ATP9B: variants seen among roughly 807,000 people sequenced by gnomAD.
The protein encoded by ATP9B is ATPase phospholipid transporting 9B, also known as probable phospholipid-transporting ATPase IIB.
ATP9B carries 110 observed loss-of-function variants against 146.1 expected under a neutral mutation model. The observed-to-expected ratio is 0.75, with a 90% confidence interval of 0.65 to 0.88. ATP9B has a LOEUF of 0.88. Among genes scored for constraint, ATP9B ranks in the 40% least tolerant of loss-of-function variants. The pLI is 0.00. For synonymous variants in ATP9B, 604 were observed against 569.7 expected (o/e 1.06, Z -0.86); for missense variants, 1,499 against 1,496.4 (o/e 1.00, Z -0.03).
intron 9 of ATP9B, among the ~76,000 whole-genome samples, chr18:79,197,861 AG>A: frequency 6.6e-6 from 1 of 152,254 alleles, no homozygotes; most frequent in Non-Finnish European, 1.5e-5. Context: ...CCGAATTCAT[AG>A]AACTAATAGG....
At chr18:79,301,643 T>A (rs1025940038) in intron 13 of ATP9B, among the ~76,000 whole-genome samples, 2 of 152,220 alleles carry the variant, frequency 1.3e-5, no homozygotes, top group African/African-American at 4.8e-5. Context: ...AGGTTTAAAC[T>A]GCCTCTCATG....
chr18:79,269,980 T>TGCGGCCTTTAGCCG (rs2096239978), intron 12 of ATP9B, among the ~76,000 whole-genome samples: 1 of 152,240 alleles, frequency 6.6e-6, no homozygotes, highest in Admixed American at 6.5e-5. Context: ...TTATCCTCCT[T>TGCGGCCTTTAGCCG]GCGGCCTTTA....
rs778424595 is a variant in ATP9B, at chr18:79,373,971, C to T, written c.3144C>T (p.Thr1048=). Residue 1048 remains threonine, a synonymous_variant, in exon 28 of 30, where the codon ACC becomes ACT. Coordinates refer to ENST00000426216, the MANE Select transcript of ATP9B (RefSeq NM_198531.5). ...TCCACGTGGTGGCCATCTCCTTCAC[C>T]GCACTGATCCTGACCGAGCTGCTGA... ...EFVHVVAISF[T]ALILTELLMV... 1.3e-5 allele frequency: 21 copies of T among 1,613,892 alleles called. No individual in the cohort carries two copies. Among genetic ancestry groups the T allele is most frequent in the Middle Eastern group, 1.7e-4 (1 of 5,978 alleles).
chr18:79,279,554 G>A (rs796656375), intron 13 of ATP9B, among the ~76,000 whole-genome samples: 2 of 152,272 alleles, frequency 1.3e-5, no homozygotes, highest in African/African-American at 4.8e-5. Context: ...TTATTCATAT[G>A]TATGAGTTTA....
intron 10 of ATP9B, among the ~76,000 whole-genome samples, chr18:79,211,975 G>T (rs1427118622): frequency 1.3e-5 from 2 of 152,190 alleles, no homozygotes; most frequent in African/African-American, 4.8e-5. Flanking sequence ...TCAGTCTCCT[G>T]TTATCTTATA....
chr18:79,352,325 A>T (rs1035240154), intron 25 of ATP9B: 4 of 152,238 alleles, frequency 2.6e-5, no homozygotes, highest in African/African-American at 9.6e-5. Flanking sequence ...TCTGGGCAGG[A>T]GGAGCACAGG....
At position 79,372,832 on chromosome 18, in the gene ATP9B, C is replaced by G. The variant is rs748999793; in HGVS notation, c.3020C>G (p.Ser1007Cys). The G allele has an allele frequency of 1.9e-6, 3 of 1,610,064 alleles. No homozygotes were observed. In the African/African-American group the frequency reaches 4.0e-5, roughly 22 times the overall value. Residue 1007 changes from serine to cysteine, a missense_variant, in exon 27 of 30, where the codon TCC becomes TGC. Transcript: ENST00000426216. The part of the protein sequence containing the change: ...ELYKDLTKGR[S>C]LSFKTFLIWV... Reference sequence around the variant, plus strand: ...CTTCCACTGTTTCCCTAGGGAAGATCCTTGTCCTTCAAAACCTTCCTCATC... The same window carrying G: ...CTTCCACTGTTTCCCTAGGGAAGATGCTTGTCCTTCAAAACCTTCCTCATC...
chr18:79,069,779 C>G (rs2071498377), intron 1 of ATP9B, among the ~76,000 whole-genome samples: 1 of 152,358 alleles, frequency 6.6e-6, no homozygotes, highest in East Asian at 1.9e-4. Context: ...GGAGCCAGAA[C>G]GGGAGCAGAG....
At chr18:79,190,062 G>A (rs1027801069) in intron 8 of ATP9B, among the ~76,000 whole-genome samples, 5 of 152,158 alleles carry the variant, frequency 3.3e-5, no homozygotes, top group Non-Finnish European at 5.9e-5. Context: ...AGGAGGGGCT[G>A]CGACACGATT....
chr18:79,158,880 G>T (rs1000808756), intron 7 of ATP9B, among the ~76,000 whole-genome samples: 4 of 151,932 alleles, frequency 2.6e-5, no homozygotes, highest in Non-Finnish European at 5.9e-5. Flanking sequence ...TTCTTTTTTT[G>T]TTCATCTTCT....
At chr18:79,320,739 CT>C (rs2096710820) in intron 15 of ATP9B, among the ~76,000 whole-genome samples, 1 of 152,038 alleles carries the variant, frequency 6.6e-6, no homozygotes, top group African/African-American at 2.4e-5. Context: ...CCCTATCCCA[CT>C]TCCTCGGGAT....
At chr18:79,227,596 G>A (rs1427745249) in intron 11 of ATP9B, among the ~76,000 whole-genome samples, 1 of 152,228 alleles carries the variant, frequency 6.6e-6, no homozygotes, top group African/African-American at 2.4e-5. Context: ...TTCCCTGACA[G>A]TGAGAAACGG....
At chr18:79,274,339 C>T (rs2096284576) in intron 12 of ATP9B, among the ~76,000 whole-genome samples, 1 of 152,144 alleles carries the variant, frequency 6.6e-6, no homozygotes. Flanking sequence ...AGATTTTTAA[C>T]GTTAAAGAGG....
rs2096883723 is a variant in ATP9B at position 79,345,936 on chromosome 18, G to T, written c.2682+97G>T. 4 of 1,297,526 alleles carry T rather than the reference G, an allele frequency of 3.1e-6. No homozygotes were observed. In the Admixed American group the frequency reaches 6.8e-5, roughly 22 times the overall value. 80.4% of individuals were successfully genotyped at this position (1,297,526 alleles called of 1,614,324 possible). A position where few individuals can be genotyped will look rare whatever the true frequency, so the allele number is the denominator to read the frequency against. On this transcript the variant is annotated intron_variant, in intron 23 of 29. Coordinates refer to ENST00000426216, the MANE Select transcript of ATP9B (RefSeq NM_198531.5). ...CCACTGTACACTCAGCACCTACTTG[G>T]TCAGTGCACGTCAGCATGTGCTTAG...
intron 7 of ATP9B, among the ~76,000 whole-genome samples, chr18:79,173,228 G>A (rs1388936727): frequency 6.6e-6 from 1 of 152,106 alleles, no homozygotes; most frequent in Non-Finnish European, 1.5e-5. Flanking sequence ...TTCTACATAG[G>A]AGTCCTTTGT....
intron 11 of ATP9B, among the ~76,000 whole-genome samples, chr18:79,224,362 T>G (rs1266083145): frequency 6.6e-6 from 1 of 152,134 alleles, no homozygotes; most frequent in Admixed American, 6.5e-5. Flanking sequence ...GAATGTCTCG[T>G]GAGACTGAGA....
intron 12 of ATP9B, among the ~76,000 whole-genome samples, chr18:79,271,275 A>G (rs1264878473): frequency 6.6e-6 from 1 of 152,070 alleles, no homozygotes. Context: ...TTTAGGGTAC[A>G]TGTGCACAAC....
rs2094741317 is a variant in ATP9B, at chr18:79,154,419, C to T, written c.727-85C>T. On this transcript the variant is annotated intron_variant, in intron 6 of 29. Transcript: ENST00000426216. Reference sequence around the variant, plus strand: ...TTAATTATATTATCTTAGTTGTTTTCATAGGTATTTCTTATTTGGAATGGA... The same window carrying T: ...TTAATTATATTATCTTAGTTGTTTTTATAGGTATTTCTTATTTGGAATGGA... 27 of 897,470 alleles carry T rather than the reference C, an allele frequency of 3.0e-5. No homozygotes were observed. In the South Asian group the frequency reaches 4.4e-4, roughly 15 times the overall value. The allele number at this position is 897,470 out of a possible 1,614,324, so 55.6% of individuals were successfully genotyped here. A position where few individuals can be genotyped will look rare whatever the true frequency, so the allele number is the denominator to read the frequency against.
chr18:79,126,487 A>G (rs761525087), intron 5 of ATP9B, 112 bp downstream of exon 5: 44 of 721,748 alleles, frequency 6.1e-5, no homozygotes, highest in Non-Finnish European at 9.2e-5. Flanking sequence ...AAATAGTATT[A>G]TGTGATTGTA....
Sources: allele counts gnomAD v4.1 joint callset (sites outside exome capture counted in the v4.1 genomes callset), GRCh38; gene constraint gnomAD v4.1.1; transcripts MANE v1.5; gene names NCBI Gene and HGNC (gene_info 2026-07-23, HGNC 2026-07-21).